The following CFAP58 variants were observed in gnomAD, a reference collection of about 807,000 sequenced individuals.
CFAP58 encodes cilia and flagella associated protein 58.
A neutral mutation model predicts 119.5 loss-of-function variants in CFAP58; 88 were observed. The observed-to-expected ratio is 0.74, with a 90% confidence interval of 0.62 to 0.88. The LOEUF is 0.88. Among genes scored for constraint, CFAP58 ranks in the 40% least tolerant of loss-of-function variants. The pLI is 0.00. For synonymous variants in CFAP58, 365 were observed against 366.3 expected, an observed-to-expected ratio of 1.00 and a Z score of 0.04; for missense variants, 990 against 1,021.2, an observed-to-expected ratio of 0.97 and a Z score of 0.42.
Position 104,358,630 on chromosome 10 carries a change from A to G in CFAP58, c.291+8A>G. 6.9e-6 allele frequency: 11 copies of G among 1,602,934 alleles called. No homozygotes were observed. Among genetic ancestry groups the G allele is most frequent in the Non-Finnish European group, 9.4e-6 (11 of 1,172,634 alleles). On this transcript the variant is annotated splice_region_variant and intron_variant, in intron 2 of 17. Coordinates refer to ENST00000369704, the MANE Select transcript of CFAP58 (RefSeq NM_001008723.2). ...ATTGCATCCCTAAAGAAGGTCAGTG[A>G]TCTTCTAGAAATGGAATGAACCTGA...
chr10:104,380,968 G>A (rs964810978), intron 9 of CFAP58, among the ~76,000 whole-genome samples: 4 of 152,212 alleles, frequency 2.6e-5, no homozygotes, highest in Admixed American at 6.5e-5. Context: ...TGGACAGCAC[G>A]GTGAAACCCT....
intron 3 of CFAP58, among the ~76,000 whole-genome samples, chr10:104,362,554 G>A (rs1490064687): frequency 6.6e-6 from 1 of 152,034 alleles, no homozygotes; most frequent in African/African-American, 2.4e-5. Flanking sequence ...TCAGATTCTA[G>A]GCCAGAAAAC....
chr10:104,353,775 G>C, upstream of CFAP58: 1 of 1,207,078 alleles, frequency 8.3e-7, no homozygotes, highest in Non-Finnish European at 1.2e-6. Flanking sequence ...CGCCGAGCGC[G>C]GGTTTCCGCT....
intron 15 of CFAP58, among the ~76,000 whole-genome samples, chr10:104,424,632 G>T (rs2012713738): frequency 6.6e-6 from 1 of 152,168 alleles, no homozygotes; most frequent in African/African-American, 2.4e-5. Context: ...TGAGCAGTGT[G>T]TGAAAATCCA....
At chr10:104,442,142 A>T (rs1589937716) in intron 15 of CFAP58, among the ~76,000 whole-genome samples, 1 of 151,966 alleles carries the variant, frequency 6.6e-6, no homozygotes, top group Non-Finnish European at 1.5e-5. Context: ...TAGTGGGGGG[A>T]TGGAAAAAGG....
intron 9 of CFAP58, among the ~76,000 whole-genome samples, chr10:104,386,588 GC>G (rs953433276): frequency 2.0e-5 from 3 of 152,012 alleles, no homozygotes; most frequent in Non-Finnish European, 2.9e-5. Flanking sequence ...AGTTGAGGAG[GC>G]CCGTGTGCAC....
chr10:104,359,669 T>G (rs2014640746), intron 2 of CFAP58, among the ~76,000 whole-genome samples: 1 of 152,120 alleles, frequency 6.6e-6, no homozygotes, highest in Non-Finnish European at 1.5e-5. Flanking sequence ...TGGTGGCATA[T>G]GCCTGTAATC....
chr10:104,361,802 C>T (rs1001087413), intron 2 of CFAP58, among the ~76,000 whole-genome samples: 4 of 152,216 alleles, frequency 2.6e-5, no homozygotes, highest in African/African-American at 4.8e-5. Flanking sequence ...CTTCTTGCCT[C>T]GGCCTCCCGA....
intron 11 of CFAP58, among the ~76,000 whole-genome samples, chr10:104,397,414 G>T (rs1176413314): frequency 6.6e-6 from 1 of 152,176 alleles, no homozygotes; most frequent in Non-Finnish European, 1.5e-5. Flanking sequence ...GTACCTGGTT[G>T]CATTCAGTTT....
chr10:104,376,521 AG>A (rs377022856), intron 7 of CFAP58, among the ~76,000 whole-genome samples: 15 of 150,320 alleles, frequency 1.0e-4, no homozygotes, highest in African/African-American at 2.7e-4. Context: ...AAAAAAAAAA[AG>A]AAAAAAAAGC....
chr10:104,447,376 A>G (rs775519164), intron 15 of CFAP58, among the ~76,000 whole-genome samples: 6 of 152,036 alleles, frequency 3.9e-5, no homozygotes, highest in Non-Finnish European at 5.9e-5. Context: ...TCCTCCAACC[A>G]GAGTCAGTCA....
the CFAP58 span, among the ~76,000 whole-genome samples, chr10:104,344,788 G>A: frequency 1.3e-5 from 2 of 152,200 alleles, no homozygotes; most frequent in African/African-American, 4.8e-5. Context: ...ATGCTCAGCA[G>A]GCATTTGCTT....
chr10:104,358,392 A>G lies in CFAP58; in HGVS notation c.61A>G (p.Arg21Gly). Residue 21 changes from arginine to glycine, a missense_variant, in exon 2 of 18, where the codon AGA becomes GGA. Coordinates refer to ENST00000369704, the MANE Select transcript of CFAP58 (RefSeq NM_001008723.2). The part of the protein sequence containing the change: ...LEESAFEEME[R>G]DFQGVLHELS... Reference sequence around the variant, plus strand: ...AGAATCTGCATTTGAAGAAATGGAAAGAGATTTTCAGGGAGTTCTCCATGA... The same window carrying G: ...AGAATCTGCATTTGAAGAAATGGAAGGAGATTTTCAGGGAGTTCTCCATGA... The G allele has an allele frequency of 6.2e-7, 1 of 1,614,060 alleles. No individual in the cohort carries two copies. Among genetic ancestry groups the G allele is most frequent in the Non-Finnish European group, 8.5e-7 (1 of 1,179,978 alleles).
chr10:104,360,307 G>C (rs557670817), intron 2 of CFAP58, among the ~76,000 whole-genome samples: 1 of 152,276 alleles, frequency 6.6e-6, no homozygotes, highest in Non-Finnish European at 1.5e-5. Flanking sequence ...ATAAAGAAAA[G>C]AGGCTTAATT....
intron 9 of CFAP58, among the ~76,000 whole-genome samples, chr10:104,388,078 T>C (rs910505288): frequency 2.0e-5 from 3 of 152,200 alleles, no homozygotes; most frequent in African/African-American, 7.2e-5. Context: ...TGATGTTAAT[T>C]TGAATTTTAT....
Position 104,380,033 on chromosome 10 carries a change from T to A in CFAP58, c.1178T>A (p.Met393Lys), listed in dbSNP as rs970972794. Residue 393 changes from methionine (M) to lysine (K), a missense_variant, in exon 9 of 18, where the codon ATG becomes AAG. Coordinates refer to ENST00000369704, the MANE Select transcript of CFAP58 (RefSeq NM_001008723.2). ...LRERDILNKN[M>K]LKAVNATQKQ... ...GCTTTGTGCCCTTATTTTTAGAACA[T>A]GCTTAAGGCGGTCAATGCGACCCAG... is the stretch of plus-strand genomic sequence containing the variant. 1 of 1,613,354 alleles carries A rather than the reference T, an allele frequency of 6.2e-7. No individual in the cohort carries two copies. The highest frequency in any genetic ancestry group is 1.3e-5 in the African/African-American group (1 of 74,990).
In CFAP58 at chr10:104,400,667, C is replaced by G; in HGVS notation, c.1816-13C>G. 6.2e-7 allele frequency: 1 copy of G among 1,610,270 alleles called. No individual in the cohort carries two copies. The highest frequency in any genetic ancestry group is 8.5e-7 in the Non-Finnish European group (1 of 1,177,338). ...TCCTTCCCTGGTGACTATGCCCCTC[C>G]CTACCTTCCTAGGTCATCAGTGAGA... On this transcript the variant is annotated splice_polypyrimidine_tract_variant and intron_variant, in intron 12 of 17. Coordinates refer to ENST00000369704, the MANE Select transcript of CFAP58 (RefSeq NM_001008723.2).
At position 104,416,544 on chromosome 10, in the gene CFAP58, C is replaced by T. The variant is rs115824948; in HGVS notation, c.2256+9751C>T. Among the ~76,000 whole-genome samples the T allele has an allele frequency of 6.6e-5, 10 of 152,240 alleles. No individual in the cohort carries two copies. The South Asian group carries it at 8.3e-4, about 13-fold the overall frequency. ...ATAGGAGGGTTTGAATGGATCTGCA[C>T]GAGTTATTAGCTGTGCAGAGGGAAC... On this transcript the variant is annotated intron_variant, in intron 15 of 17. Coordinates refer to ENST00000369704, the MANE Select transcript of CFAP58 (RefSeq NM_001008723.2).
chr10:104,387,509 G>A (rs981742445), intron 9 of CFAP58, among the ~76,000 whole-genome samples: 1 of 152,142 alleles, frequency 6.6e-6, no homozygotes, highest in African/African-American at 2.4e-5. Flanking sequence ...CTCTCTTTAG[G>A]TTGTGGGACA....
Sources: allele counts gnomAD v4.1 joint callset (sites outside exome capture counted in the v4.1 genomes callset), GRCh38; gene constraint gnomAD v4.1.1; transcripts MANE v1.5; gene names NCBI Gene and HGNC (gene_info 2026-07-23, HGNC 2026-07-21).